The following ELP1 variants were observed in gnomAD, a reference collection of about 807,000 sequenced individuals.
ELP1 encodes elongator acetyltransferase complex subunit 1.
A neutral mutation model predicts 183.2 loss-of-function variants in ELP1; 131 were observed. The observed-to-expected ratio is 0.72, with a 90% CI of 0.62 to 0.83. The LOEUF is 0.83. ELP1 is among the 40% of genes least tolerant of loss of function. The pLI is 0.00. For synonymous variants in ELP1, 555 were observed against 569.0 expected (o/e 0.98, Z 0.35); for missense variants, 1,550 against 1,594.9 (o/e 0.97, Z 0.48).
intron 1 of ELP1, among the ~76,000 whole-genome samples, chr9:108,933,147 G>A (rs1830054258): frequency 6.6e-6 from 1 of 152,102 alleles, no homozygotes; most frequent in Admixed American, 6.5e-5. Context: ...CACATCAAAT[G>A]CGACCTGGAA....
intron 35 of ELP1, among the ~76,000 whole-genome samples, chr9:108,876,694 A>G (rs914382758): frequency 3.3e-5 from 5 of 150,782 alleles, no homozygotes; most frequent in African/African-American, 1.2e-4. Flanking sequence ...CTGGAGGATG[A>G]ACAAAAGATT....
chr9:108,875,626 G>A (rs1226661767), intron 35 of ELP1: 1 of 330,618 alleles, frequency 3.0e-6, no homozygotes, highest in East Asian at 9.2e-5. Flanking sequence ...GAGGCATGGT[G>A]GCTTACACCT....
chr9:108,891,517 G>A, intron 27 of ELP1, 113 bp from the exon 28 acceptor site: 1 of 952,732 alleles, frequency 1.0e-6, no homozygotes, highest in Non-Finnish European at 1.7e-6. Flanking sequence ...AGAATTACCT[G>A]GGAAAATCTT....
chr9:108,933,280 G>A (rs996900097), intron 1 of ELP1, among the ~76,000 whole-genome samples: 3 of 152,106 alleles, frequency 2.0e-5, no homozygotes, highest in Non-Finnish European at 4.4e-5. Flanking sequence ...CTCTTCATAC[G>A]GATCTATTCA....
chr9:108,901,015 C>T (rs577027127), intron 18 of ELP1, among the ~76,000 whole-genome samples: 58 of 152,088 alleles, frequency 3.8e-4, no homozygotes, highest in African/African-American at 1.3e-3. Flanking sequence ...GAACAGAAGA[C>T]AAAATGCAGC....
chr9:108,885,996 T>C (rs1034996686), intron 29 of ELP1, among the ~76,000 whole-genome samples: 4 of 152,202 alleles, frequency 2.6e-5, no homozygotes, highest in African/African-American at 7.2e-5. Context: ...AAGAAGACCT[T>C]GGCCCATGGC....
intron 7 of ELP1, 76 bp from the exon 8 acceptor site, chr9:108,918,977 A>G: frequency 9.4e-7 from 1 of 1,063,922 alleles, no homozygotes; most frequent in South Asian, 1.3e-5. Context: ...GAACTATTCA[A>G]ACACCTTCCT....
At chr9:108,919,499 G>A (rs113793551) in intron 6 of ELP1, 150 bp from the exon 7 acceptor site, 26 of 538,822 alleles carry the variant, frequency 4.8e-5, no homozygotes, top group African/African-American at 3.6e-4. Context: ...CCAAGGGTTG[G>A]TTCTTAGAAC....
chr9:108,896,323 C>T (rs1305647279), intron 25 of ELP1, among the ~76,000 whole-genome samples, 173 bp downstream of exon 25: 2 of 152,226 alleles, frequency 1.3e-5, no homozygotes, highest in Admixed American at 1.3e-4. Context: ...AATCAAAACA[C>T]TTTCATAAGC....
At chr9:108,911,330 T>G in intron 11 of ELP1, 150 bp from the exon 12 acceptor site, 1 of 812,510 alleles carries the variant, frequency 1.2e-6, no homozygotes, top group South Asian at 1.5e-5. Context: ...CTAAAAACAG[T>G]GTGGGATGGG....
intron 26 of ELP1, among the ~76,000 whole-genome samples, 157 bp from the exon 27 acceptor site, chr9:108,893,240 T>TA (rs775634741): frequency 1.3e-5 from 2 of 152,230 alleles, no homozygotes; most frequent in South Asian, 2.1e-4. Context: ...TTTGAATTTT[T>TA]AATGAGCACC....
intron 5 of ELP1, among the ~76,000 whole-genome samples, chr9:108,925,487 C>G (rs1467344869): frequency 6.6e-6 from 1 of 152,110 alleles, no homozygotes; most frequent in African/African-American, 2.4e-5. Flanking sequence ...AATACCAATT[C>G]AGCTGACTAC....
intron 36 of ELP1, among the ~76,000 whole-genome samples, chr9:108,872,434 G>C (rs956996102): frequency 6.6e-6 from 1 of 152,072 alleles, no homozygotes; most frequent in Admixed American, 6.6e-5. Flanking sequence ...CTGAAAAAAG[G>C]CTACTTAAAT....
In ELP1 at chr9:108,929,789, A is replaced by C; in HGVS notation, c.283T>G (p.Cys95Gly). The change falls in exon 3 of 37, where the codon TGC becomes GGC. Residue 95 changes from cysteine (C) to glycine (G), a missense_variant. Cys to Gly is a radical substitution (Grantham distance 159). Coordinates refer to ENST00000374647, the MANE Select transcript of ELP1 (RefSeq NM_003640.5). ...VATASGDVIL[C>G]SLSTQQLECV... ...CTTACCTGTTGTGTGCTGAGACTGC[A>C]GAGTATGACGTCTCCAGAGGCTGTG... 4 of 1,614,036 alleles carry C rather than the reference A, an allele frequency of 2.5e-6. No homozygotes were observed. The highest frequency in any genetic ancestry group is 3.4e-6 in the Non-Finnish European group (4 of 1,180,026).
chr9:108,903,516 G>A (rs1204500320), intron 15 of ELP1, 47 bp downstream of exon 15: 1 of 1,207,514 alleles, frequency 8.3e-7, no homozygotes, highest in Non-Finnish European at 1.2e-6. Context: ...TAAGAACTAA[G>A]CATCTATGTA....
intron 29 of ELP1, among the ~76,000 whole-genome samples, chr9:108,883,787 C>T (rs1326556357): frequency 1.3e-5 from 2 of 151,564 alleles, no homozygotes; most frequent in Non-Finnish European, 2.9e-5. Context: ...AGAAGTATAG[C>T]TAATAAGCCA....
Position 108,889,301 on chromosome 9 carries a change from G to C in ELP1, c.3222+31C>G, listed in dbSNP as rs771861027. On this transcript the variant is annotated intron_variant, in intron 29 of 36. Transcript: ENST00000374647. Reference sequence around the variant, plus strand: ...ATTGAGAAGACCTTTCTTGCTGACTGGGGGGTTTAGAAGGGAGGAATTGAG... The same window carrying C: ...ATTGAGAAGACCTTTCTTGCTGACTCGGGGGTTTAGAAGGGAGGAATTGAG... The C allele has an allele frequency of 2.5e-6, 4 of 1,585,524 alleles. No individual in the cohort carries two copies. The South Asian group carries it at 4.4e-5, about 18-fold the overall frequency.
chr9:108,899,956 T>C, intron 19 of ELP1, 61 bp from the exon 20 acceptor site: 1 of 1,293,954 alleles, frequency 7.7e-7, no homozygotes, highest in Admixed American at 1.7e-5. Flanking sequence ...ATAGCCAGGA[T>C]ACACCATTTT....
intron 14 of ELP1, among the ~76,000 whole-genome samples, chr9:108,904,787 G>A (rs946544852): frequency 1.3e-5 from 2 of 152,210 alleles, no homozygotes; most frequent in Non-Finnish European, 2.9e-5. Context: ...ATTTAGAAGA[G>A]TATTTTTTAC....
Sources: allele counts gnomAD v4.1 joint callset (sites outside exome capture counted in the v4.1 genomes callset), GRCh38; gene constraint gnomAD v4.1.1; transcripts MANE v1.5; gene names NCBI Gene and HGNC (gene_info 2026-07-23, HGNC 2026-07-21).